PPP4R3A: variants seen among roughly 807,000 people sequenced by gnomAD.
PPP4R3A encodes protein phosphatase 4 regulatory subunit 3A, also known as serine/threonine-protein phosphatase 4 regulatory subunit 3A.
PPP4R3A carries 15 observed loss-of-function variants against 91.7 expected under a neutral mutation model. That is an observed-to-expected ratio of 0.16 (90% confidence interval 0.11 to 0.25). PPP4R3A has a LOEUF of 0.25. PPP4R3A is among the 10% of genes least tolerant of loss of function. PPP4R3A has a pLI of 1.00. For synonymous variants in PPP4R3A, 377 were observed against 348.7 expected (o/e 1.08, Z -0.91); for missense variants, 623 against 998.4 (o/e 0.62, Z 5.07).
rs529365104 is a variant in PPP4R3A at position 91,484,399 on chromosome 14, T to C, written c.297+1233A>G. ...GGCGACAAACCATAGCCAAATTTGG[T>C]CTGCCACCTGTTTTTGTAAATAAAA... is the stretch of plus-strand genomic sequence containing the variant. On this transcript the variant is annotated intron_variant, in intron 3 of 14. Coordinates refer to ENST00000554943, the MANE Select transcript of PPP4R3A (RefSeq NM_001366432.2). 1.1e-4 allele frequency among the ~76,000 whole-genome samples: 17 copies of C among 152,262 alleles called. No homozygotes were observed. In the South Asian group the frequency reaches 3.5e-3, roughly 32 times the overall value.
In PPP4R3A at chr14:91,499,157, T is replaced by G. The variant is rs149129550; in HGVS notation, c.143-8355A>C. ...GTACAGGCCCATAGTTCCAGCCGCTTGGGAGGCTGGGGTAGGAGGATTGCT... is the reference window on the plus strand; with the variant it reads ...GTACAGGCCCATAGTTCCAGCCGCTGGGGAGGCTGGGGTAGGAGGATTGCT... On this transcript the variant is annotated intron_variant, in intron 1 of 14. Coordinates refer to ENST00000554943, the MANE Select transcript of PPP4R3A (RefSeq NM_001366432.2). Among the ~76,000 whole-genome samples, 281 of 151,398 alleles carry G rather than the reference T, an allele frequency of 1.9e-3. 4 individuals carry two copies. The highest frequency in any genetic ancestry group is 6.3e-3 in the African/African-American group (261 of 41,236).
intron 7 of PPP4R3A, among the ~76,000 whole-genome samples, chr14:91,473,870 A>G (rs1889000272): frequency 6.6e-6 from 1 of 152,152 alleles, no homozygotes; most frequent in African/African-American, 2.4e-5. Context: ...CCCGGGTTCA[A>G]GCGATTCTCC....
At chr14:91,460,043 ACT>A (rs1888027543) in intron 14 of PPP4R3A, among the ~76,000 whole-genome samples, 1 of 150,562 alleles carries the variant, frequency 6.6e-6, no homozygotes. Context: ...ATGGAGTCTC[ACT>A]CTGTCGCCCA....
intron 2 of PPP4R3A, among the ~76,000 whole-genome samples, chr14:91,488,692 A>C (rs1438912930): frequency 6.6e-6 from 1 of 152,110 alleles, no homozygotes; most frequent in African/African-American, 2.4e-5. Context: ...AGATAAGACA[A>C]AATTAAAGTT....
At chr14:91,509,366 G>T in intron 1 of PPP4R3A, 140 bp downstream of exon 1, 1 of 1,218,846 alleles carries the variant, frequency 8.2e-7, no homozygotes, top group Non-Finnish European at 1.1e-6. Flanking sequence ...GGTACCTGGG[G>T]CCCGTCCTCC....
chr14:91,478,726 T>C, intron 4 of PPP4R3A, among the ~76,000 whole-genome samples: 1 of 141,284 alleles, frequency 7.1e-6, no homozygotes, highest in East Asian at 1.9e-4. Flanking sequence ...CTCAGTATTT[T>C]AGTTCATACT....
chr14:91,471,379 A>C (rs1290130378), intron 9 of PPP4R3A, among the ~76,000 whole-genome samples: 3 of 152,104 alleles, frequency 2.0e-5, no homozygotes, highest in Non-Finnish European at 4.4e-5. Context: ...TTTGCCAGAC[A>C]CCGTGTCATC....
intron 1 of PPP4R3A, among the ~76,000 whole-genome samples, chr14:91,502,721 A>T (rs892719551): frequency 3.3e-5 from 5 of 152,226 alleles, no homozygotes; most frequent in Non-Finnish European, 7.3e-5. Context: ...CTTGAACAAA[A>T]ACATTTCTCC....
At position 91,464,808 on chromosome 14, in the gene PPP4R3A, G is replaced by A. The variant is rs955666019; in HGVS notation, c.1830+442C>T. On this transcript the variant is annotated intron_variant, in intron 11 of 14. Coordinates refer to ENST00000554943, the MANE Select transcript of PPP4R3A (RefSeq NM_001366432.2). Reference sequence around the variant, plus strand: ...CAAAGCAGCAGTCCCTAACCTTTTTGGTTTCATGAAAGACAATTTTTCCAC... The same window carrying A: ...CAAAGCAGCAGTCCCTAACCTTTTTAGTTTCATGAAAGACAATTTTTCCAC... Among the ~76,000 whole-genome samples, 13 of 152,252 alleles carry A rather than the reference G, an allele frequency of 8.5e-5. No homozygotes were observed. In the East Asian group the frequency reaches 9.6e-4, roughly 11 times the overall value.
chr14:91,509,424 A>G (rs1449072183), intron 1 of PPP4R3A, 82 bp downstream of exon 1: 3 of 1,519,830 alleles, frequency 2.0e-6, no homozygotes, highest in Non-Finnish European at 2.6e-6. Flanking sequence ...TCGTGGAGCG[A>G]GCGCCATGCC....
intron 2 of PPP4R3A, among the ~76,000 whole-genome samples, chr14:91,490,375 A>T (rs1020863295): frequency 3.3e-5 from 5 of 152,170 alleles, no homozygotes; most frequent in Admixed American, 2.6e-4. Flanking sequence ...TCTACACAGT[A>T]CTGCTGTAGA....
intron 1 of PPP4R3A, among the ~76,000 whole-genome samples, chr14:91,493,533 C>T (rs1261299536): frequency 1.3e-5 from 2 of 149,948 alleles, no homozygotes; most frequent in African/African-American, 5.1e-5. Flanking sequence ...GTGGCTCATG[C>T]CTGTAATCCC....
chr14:91,507,413 C>G (rs1891404473), intron 1 of PPP4R3A, among the ~76,000 whole-genome samples: 1 of 95,118 alleles, frequency 1.1e-5, no homozygotes, highest in East Asian at 2.7e-4. Context: ...ATTATATATA[C>G]TATATAATAT....
chr14:91,468,684 AAAAAAGGAAAAAAG>A (rs1341525482), intron 10 of PPP4R3A, among the ~76,000 whole-genome samples: 16 of 147,324 alleles, frequency 1.1e-4, no homozygotes, highest in African/African-American at 4.0e-4. Context: ...AAAAAAAAAA[AAAAAAGGAAAAAAG>A]AAAAAAAAGA....
intron 10 of PPP4R3A, among the ~76,000 whole-genome samples, chr14:91,469,940 A>AT (rs35555942): frequency 0.49 from 74,451 of 151,610 alleles, 18,623 homozygotes; most frequent in Admixed American, 0.53. Context: ...TGATTTAAGG[A>AT]TTTTTAAAAA....
intron 1 of PPP4R3A, among the ~76,000 whole-genome samples, chr14:91,495,302 A>ATGTATGTGTGTGTGTGTGTGTG: frequency 7.1e-6 from 1 of 140,960 alleles, no homozygotes; most frequent in East Asian, 2.4e-4. Context: ...CAGATACATA[A>ATGTATGTGTGTGTGTGTGTGTG]TGTGTGTGTG....
intron 14 of PPP4R3A, among the ~76,000 whole-genome samples, chr14:91,460,746 G>C (rs1244292096): frequency 7.0e-6 from 1 of 142,878 alleles, no homozygotes; most frequent in Non-Finnish European, 1.5e-5. Flanking sequence ...TCAGCCTCCA[G>C]AGTAGCTGGG....
Position 91,462,083 on chromosome 14 carries a change from C to T in PPP4R3A, c.2130G>A (p.Met710Ile), listed in dbSNP as rs1888193079. The T allele has an allele frequency of 2.6e-6, 4 of 1,536,448 alleles. No individual in the cohort carries two copies. In the Admixed American group the frequency reaches 6.8e-5, roughly 26 times the overall value. Reference protein sequence around the residue: ...SDKTKNDDDIMDPISKFMERK... With the variant: ...SDKTKNDDDIIDPISKFMERK... ...TTTCCATGAATTTACTTATTGGATC[C>T]ATAATATCATCATCATTTTTAGTTT... Residue 710 changes from methionine (M) to isoleucine (I), a missense_variant, in exon 13 of 15, where the codon ATG becomes ATA. By Grantham distance (10) the Met-to-Ile change is conservative. Coordinates refer to ENST00000554943, the MANE Select transcript of PPP4R3A (RefSeq NM_001366432.2).
chr14:91,498,126 G>A (rs1043599631), intron 1 of PPP4R3A, among the ~76,000 whole-genome samples: 3 of 152,126 alleles, frequency 2.0e-5, no homozygotes, highest in Non-Finnish European at 4.4e-5. Flanking sequence ...CTTGATGTCA[G>A]GAATTCGAGA....
Sources: allele counts gnomAD v4.1 joint callset (sites outside exome capture counted in the v4.1 genomes callset), GRCh38; gene constraint gnomAD v4.1.1; transcripts MANE v1.5; gene names NCBI Gene and HGNC (gene_info 2026-07-23, HGNC 2026-07-21).